Variants in CELF1 observed in about 807,000 individuals in gnomAD.
CELF1 encodes 50 kDa nuclear polyadenylated RNA-binding protein.
Under a neutral mutation model 61.8 loss-of-function variants are expected in CELF1, and 10 were observed. The observed-to-expected ratio is 0.16, with a 90% CI of 0.10 to 0.27. The LOEUF (loss-of-function observed/expected upper bound fraction) is 0.27. Ranked by LOEUF, CELF1 falls within the 10% of genes least tolerant of loss-of-function variation. The pLI is 1.00. For synonymous variants in CELF1, 236 were observed against 225.1 expected, an observed-to-expected ratio of 1.05 and a Z score of -0.43; for missense variants, 380 against 639.1, an observed-to-expected ratio of 0.59 and a Z score of 4.37.
At chr11:47,509,082 T>C (rs758765977) in intron 1 of CELF1, among the ~76,000 whole-genome samples, 1 of 152,224 alleles carries the variant, frequency 6.6e-6, no homozygotes, top group African/African-American at 2.4e-5. Context: ...AAAAAAGTTA[T>C]ATTTTTTTAA....
intron 3 of CELF1, among the ~76,000 whole-genome samples, chr11:47,490,857 T>C (rs2091087345): frequency 6.6e-6 from 1 of 151,842 alleles, no homozygotes; most frequent in Non-Finnish European, 1.5e-5. Flanking sequence ...TTACTATATA[T>C]TTTCTTTCTT....
At chr11:47,531,395 C>CCAT (rs2096468614) in intron 1 of CELF1, among the ~76,000 whole-genome samples, 1 of 152,102 alleles carries the variant, frequency 6.6e-6, no homozygotes, top group South Asian at 2.1e-4. Context: ...TGGTGAAACC[C>CCAT]CATCTCTACT....
rs1183579172 is a variant in CELF1, at chr11:47,471,973, C to CA, written c.*256dup. 1.2e-4 allele frequency: 45 copies of CA among 385,898 alleles called. No homozygotes were observed. Among genetic ancestry groups the CA allele is most frequent in the Non-Finnish European group, 1.3e-4 (27 of 211,630 alleles). 23.9% of individuals were successfully genotyped at this position (385,898 alleles called of 1,614,324 possible). ...AATAAAGGAGAAACAAAAACAAAAA[C>CA]AAAAAAAACCTCAGGATATGGCACC... On this transcript the variant is annotated 3_prime_UTR_variant, in exon 15 of 15. Coordinates refer to ENST00000687097, the MANE Select transcript of CELF1 (RefSeq NM_001376376.1).
chr11:47,470,595 A>T lies in CELF1; in HGVS notation c.*1635T>A, dbSNP rs1020641685. On this transcript the variant is annotated 3_prime_UTR_variant, in exon 15 of 15. Transcript: ENST00000687097. The stretch of plus-strand genomic sequence containing the variant: ...GATGGTCAATCCCTGTCTGTTACCC[A>T]CAGGGACAGCATGACAAGGAGAGAG... 1.3e-5 allele frequency: 2 copies of T among 152,254 alleles called. No individual in the cohort carries two copies. Among genetic ancestry groups the T allele is most frequent in the African/African-American group, 4.8e-5 (2 of 41,468 alleles). The allele number at this position is 152,254 out of a possible 1,614,324, so 9.4% of individuals were successfully genotyped here. A position where few individuals can be genotyped will look rare whatever the true frequency, so the allele number is the denominator to read the frequency against.
chr11:47,482,101 G>T (rs2083604139), intron 9 of CELF1, among the ~76,000 whole-genome samples: 2 of 152,156 alleles, frequency 1.3e-5, no homozygotes, highest in Non-Finnish European at 2.9e-5. Context: ...TACTTGGGAA[G>T]TTGAGGCAGG....
At chr11:47,485,475 T>C (rs905481811) in intron 6 of CELF1, among the ~76,000 whole-genome samples, 15 of 152,214 alleles carry the variant, frequency 9.9e-5, no homozygotes, top group Non-Finnish European at 1.6e-4. Context: ...CCAGCCAGCA[T>C]TGTTTGCTCT....
At chr11:47,558,576 T>TATATAA (rs2097213934) in intron 2 of CELF1, among the ~76,000 whole-genome samples, 2 of 106,384 alleles carry the variant, frequency 1.9e-5, no homozygotes, top group Admixed American at 1.3e-4. Context: ...AATATATAAA[T>TATATAA]ATATATATAT....
At chr11:47,478,326 AC>A (rs1216269177) in intron 10 of CELF1, among the ~76,000 whole-genome samples, 1 of 152,106 alleles carries the variant, frequency 6.6e-6, no homozygotes, top group Non-Finnish European at 1.5e-5. Context: ...CCCATGCCCT[AC>A]CCCCAACCGA....
chr11:47,547,981 A>C (rs1000213120), intron 1 of CELF1, among the ~76,000 whole-genome samples: 44 of 152,132 alleles, frequency 2.9e-4, no homozygotes, highest in African/African-American at 1.1e-3. Flanking sequence ...CAATGTAACT[A>C]ATGTCACTGA....
chr11:47,517,780 G>C (rs773732495), intron 1 of CELF1, among the ~76,000 whole-genome samples: 2 of 152,022 alleles, frequency 1.3e-5, no homozygotes, highest in Non-Finnish European at 2.9e-5. Context: ...AGCCTCCCGA[G>C]CAGCTGGGAT....
intron 14 of CELF1, 75 bp from the exon 15 acceptor site, chr11:47,472,432 AC>A: frequency 2.0e-6 from 3 of 1,507,824 alleles, no homozygotes; most frequent in Non-Finnish European, 2.7e-6. Flanking sequence ...TATGCAAGAT[AC>A]CTTATGTGCT....
chr11:47,482,024 G>A (rs1383026417), intron 9 of CELF1, among the ~76,000 whole-genome samples: 1 of 152,110 alleles, frequency 6.6e-6, no homozygotes, highest in African/African-American at 2.4e-5. Flanking sequence ...CCAACACAGT[G>A]AAAGCCCATC....
chr11:47,487,967 G>C (rs2088631717), intron 4 of CELF1, among the ~76,000 whole-genome samples: 1 of 152,082 alleles, frequency 6.6e-6, no homozygotes, highest in Non-Finnish European at 1.5e-5. Flanking sequence ...TCATGCTGCA[G>C]CAGTTAGAAC....
At chr11:47,541,097 C>A (rs1001475218) in intron 1 of CELF1, among the ~76,000 whole-genome samples, 4 of 152,080 alleles carry the variant, frequency 2.6e-5, no homozygotes, top group Non-Finnish European at 5.9e-5. Flanking sequence ...GAATGTTTCC[C>A]ATACACAAAA....
In CELF1 at chr11:47,476,956, CCTG is replaced by C; in HGVS notation, c.974_976del (p.Ala325del). The C allele has an allele frequency of 6.2e-7, 1 of 1,612,980 alleles. No homozygotes were observed. Among genetic ancestry groups the C allele is most frequent in the Non-Finnish European group, 8.5e-7 (1 of 1,178,982 alleles). ...ACTGCTGCTAGAGCTAGGTGAGGACCCTGCTATTAGAAAGCAAGGAGTTAAAAT... is the reference window on the plus strand; with the variant it reads ...ACTGCTGCTAGAGCTAGGTGAGGACCCTATTAGAAAGCAAGGAGTTAAAAT... On this transcript the variant is annotated inframe_deletion and splice_region_variant, in exon 12 of 15. Coordinates refer to ENST00000687097, the MANE Select transcript of CELF1 (RefSeq NM_001376376.1).
At chr11:47,482,614 GTGTT>G (rs2153438185) in intron 9 of CELF1, 77 bp downstream of exon 9, 1 of 1,378,558 alleles carries the variant, frequency 7.3e-7, no homozygotes, top group East Asian at 2.3e-5. Flanking sequence ...AAATGCCACT[GTGTT>G]TGTTGGCTAG....
intron 1 of CELF1, among the ~76,000 whole-genome samples, chr11:47,516,009 C>T (rs779195879): frequency 3.0e-4 from 45 of 151,910 alleles, no homozygotes; most frequent in African/African-American, 9.9e-4. Context: ...CTCTGCCTCC[C>T]GGGTTCAACA....
intron 2 of CELF1, among the ~76,000 whole-genome samples, chr11:47,500,192 C>G (rs562692602): frequency 1.5e-3 from 232 of 152,114 alleles, no homozygotes; most frequent in Non-Finnish European, 2.6e-3. Flanking sequence ...GTTGATCAGC[C>G]TTGCTTTTTT....
At chr11:47,482,567 G>T in intron 9 of CELF1, 128 bp downstream of exon 9, 2 of 831,188 alleles carry the variant, frequency 2.4e-6, no homozygotes, top group Non-Finnish European at 3.8e-6. Context: ...AGTACTACCT[G>T]AATTTTTACA....
Sources: gnomAD v4.1 joint callset for allele counts (sites outside exome capture counted in the v4.1 genomes callset) on GRCh38, gnomAD v4.1.1 for gene constraint, MANE v1.5 for transcripts, NCBI Gene and HGNC (gene_info 2026-07-23, HGNC 2026-07-21) for gene names.